SGSM1: variants seen among roughly 807,000 people sequenced by gnomAD.
The protein encoded by SGSM1 is small G protein signaling modulator 1.
In SGSM1, 73 loss-of-function variants were observed where a neutral mutation model predicts 133.8. The ratio of observed to expected loss-of-function variants is 0.55; its 90% CI spans 0.45 to 0.66. SGSM1 has a LOEUF of 0.66. Among genes scored for constraint, SGSM1 ranks in the 30% least tolerant of loss-of-function variants. The probability of loss-of-function intolerance (pLI) is 0.00; values close to 1 mark genes in which losing one functional copy is unlikely to be tolerated. For missense variants in SGSM1, 1,213 were observed against 1,448.1 expected, an observed-to-expected ratio of 0.84 and a Z score of 2.64; for synonymous variants, 563 against 573.0, an observed-to-expected ratio of 0.98 and a Z score of 0.25.
At chr22:24,844,825 T>G in intron 2 of SGSM1, 72 bp from the exon 3 acceptor site, 3 of 1,455,860 alleles carry the variant, frequency 2.1e-6, no homozygotes, top group Middle Eastern at 2.4e-4. Context: ...ATGCAGCCCT[T>G]TTGGGGCACC....
rs527497331 is a variant in SGSM1, at chr22:24,907,698, G to A, written c.2818+2511G>A. Among the ~76,000 whole-genome samples the A allele has an allele frequency of 8.6e-5, 13 of 152,012 alleles. No homozygotes were observed. In the South Asian group the frequency reaches 1.5e-3, roughly 17 times the overall value. On this transcript the variant is annotated intron_variant, in intron 21 of 24. Coordinates refer to ENST00000400358, the MANE Select transcript of SGSM1 (RefSeq NM_001098497.3). Reference sequence around the variant, plus strand: ...CCAGCACTTTGGGAGGCTGAGGTGGGCAGATCACGAGGTCAGGAGATCGAG... The same window carrying A: ...CCAGCACTTTGGGAGGCTGAGGTGGACAGATCACGAGGTCAGGAGATCGAG...
At chr22:24,826,830 C>G (rs969406187) in intron 2 of SGSM1, among the ~76,000 whole-genome samples, 1 of 152,086 alleles carries the variant, frequency 6.6e-6, no homozygotes, top group Non-Finnish European at 1.5e-5. Flanking sequence ...CGGCCCTGTT[C>G]AAGTGCTGTG....
intron 2 of SGSM1, among the ~76,000 whole-genome samples, chr22:24,838,633 T>C (rs1346043564): frequency 6.6e-6 from 1 of 152,204 alleles, no homozygotes; most frequent in African/African-American, 2.4e-5. Context: ...CAGTTTCACT[T>C]TCTTCTTTGA....
chr22:24,817,221 G>A (rs1258385517), intron 2 of SGSM1, among the ~76,000 whole-genome samples: 1 of 152,200 alleles, frequency 6.6e-6, no homozygotes, highest in Non-Finnish European at 1.5e-5. Flanking sequence ...CCCGAGTGCT[G>A]CCTGGGGATG....
At chr22:24,814,339 A>G (rs73155719) in intron 2 of SGSM1, 28,070 of 151,996 alleles carry the variant, frequency 0.18, 3,353 homozygotes, top group Non-Finnish European at 0.27. Context: ...ACCTCATTTA[A>G]TTATTGATCC....
chr22:24,832,686 TG>T (rs1929187928), intron 2 of SGSM1, among the ~76,000 whole-genome samples: 1 of 152,150 alleles, frequency 6.6e-6, no homozygotes, highest in African/African-American at 2.4e-5. Context: ...ATGGTCATGG[TG>T]GTGCCATCAG....
At chr22:24,826,900 C>T (rs1401069837) in intron 2 of SGSM1, among the ~76,000 whole-genome samples, 1 of 152,116 alleles carries the variant, frequency 6.6e-6, no homozygotes, top group Non-Finnish European at 1.5e-5. Flanking sequence ...GGTACCATCC[C>T]CGTTACACAG....
intron 24 of SGSM1, among the ~76,000 whole-genome samples, chr22:24,922,784 T>G (rs901532149): frequency 1.3e-5 from 2 of 152,222 alleles, no homozygotes; most frequent in Admixed American, 6.5e-5. Context: ...CCCATGGCAC[T>G]TACTTTCTGT....
intron 22 of SGSM1, among the ~76,000 whole-genome samples, chr22:24,913,416 C>G (rs1456710597): frequency 1.3e-5 from 2 of 152,042 alleles, no homozygotes; most frequent in Non-Finnish European, 2.9e-5. Flanking sequence ...CCAGGTAATT[C>G]TGGTGCAAGC....
chr22:24,829,174 C>T (rs914987115), intron 2 of SGSM1, among the ~76,000 whole-genome samples: 4 of 149,876 alleles, frequency 2.7e-5, no homozygotes, highest in African/African-American at 7.5e-5. Flanking sequence ...CCAGCCTGGG[C>T]GAGAGAGTGA....
intron 10 of SGSM1, among the ~76,000 whole-genome samples, chr22:24,867,988 C>T (rs773915401): frequency 6.6e-5 from 10 of 152,166 alleles, no homozygotes; most frequent in East Asian, 1.9e-4. Context: ...GCTCAATACA[C>T]GCTAGCCAGA....
chr22:24,899,993 A>T (rs1933070005), intron 19 of SGSM1, among the ~76,000 whole-genome samples: 1 of 150,050 alleles, frequency 6.7e-6, no homozygotes, highest in Admixed American at 6.6e-5. Context: ...CAAATATGCT[A>T]TAAAATGACT....
intron 21 of SGSM1, among the ~76,000 whole-genome samples, chr22:24,906,045 A>G (rs1028693131): frequency 6.6e-6 from 1 of 152,164 alleles, no homozygotes; most frequent in African/African-American, 2.4e-5. Flanking sequence ...ATTCACCAAG[A>G]TATAAAAAAG....
rs773784875 is a variant in SGSM1 at position 24,917,682 on chromosome 22, C to T, written c.2953C>T (p.Leu985=). The change falls in exon 23 of 25, where the codon CTG becomes TTG. Residue 985 remains leucine (L), a synonymous_variant. Coordinates refer to ENST00000400358, the MANE Select transcript of SGSM1 (RefSeq NM_001098497.3). ...IQILDSELFE[L]MHQNGDYTHF... The stretch of plus-strand genomic sequence containing the variant: ...GATCCTGGACTCAGAGCTGTTTGAG[C>T]TGATGCATCAGAACGGGGACTATAC... 2 of 1,613,818 alleles carry T rather than the reference C, an allele frequency of 1.2e-6. No individual in the cohort carries two copies. Among genetic ancestry groups the T allele is most frequent in the Non-Finnish European group, 1.7e-6 (2 of 1,179,860 alleles).
intron 2 of SGSM1, among the ~76,000 whole-genome samples, chr22:24,815,321 C>T (rs531764463): frequency 5.3e-4 from 81 of 152,140 alleles, no homozygotes; most frequent in Non-Finnish European, 9.0e-4. Flanking sequence ...AAGTATTGCC[C>T]GGGAAGAAGT....
intron 12 of SGSM1, among the ~76,000 whole-genome samples, chr22:24,874,129 A>G (rs1478916620): frequency 6.6e-6 from 1 of 152,196 alleles, no homozygotes. Flanking sequence ...TTCTTCTGCA[A>G]AATAGAAGAG....
chr22:24,892,293 G>A (rs114951474), intron 16 of SGSM1, among the ~76,000 whole-genome samples: 3,798 of 152,014 alleles, frequency 0.025, 149 homozygotes, highest in African/African-American at 0.086. Flanking sequence ...GGAGAGGGTC[G>A]GGCTCCCCAC....
chr22:24,854,065 C>T (rs1202041910), intron 5 of SGSM1, among the ~76,000 whole-genome samples: 2 of 152,118 alleles, frequency 1.3e-5, no homozygotes, highest in Admixed American at 1.3e-4. Context: ...TCAATTACCT[C>T]CCCCTGGGTC....
At chr22:24,848,494 T>C (rs1930278216) in intron 4 of SGSM1, among the ~76,000 whole-genome samples, 1 of 152,068 alleles carries the variant, frequency 6.6e-6, no homozygotes, top group Non-Finnish European at 1.5e-5. Flanking sequence ...TCTTGGTGAC[T>C]GGTGGTATGT....
Sources: gnomAD v4.1 joint callset for allele counts (sites outside exome capture counted in the v4.1 genomes callset) on GRCh38, gnomAD v4.1.1 for gene constraint, MANE v1.5 for transcripts, NCBI Gene and HGNC (gene_info 2026-07-23, HGNC 2026-07-21) for gene names.